The following TBC1D9 variants were observed in gnomAD, a reference collection of about 807,000 sequenced individuals.
The protein encoded by TBC1D9 is TBC1 domain family member 9.
In TBC1D9, 63 loss-of-function variants were observed where a neutral mutation model predicts 132.0. The ratio of observed to expected loss-of-function variants is 0.48; its 90% CI spans 0.39 to 0.59. The LOEUF is 0.59. Ranked by LOEUF, TBC1D9 falls within the 20% of genes least tolerant of loss-of-function variation. The probability of loss-of-function intolerance (pLI) is 0.00; values close to 1 mark genes in which losing one functional copy is unlikely to be tolerated. For synonymous variants in TBC1D9, 610 were observed against 609.9 expected (o/e 1.00, Z 0.00); for missense variants, 1,261 against 1,592.7 (o/e 0.79, Z 3.54).
At chr4:140,641,102 A>C (rs1736983886) in intron 13 of TBC1D9, among the ~76,000 whole-genome samples, 1 of 95,482 alleles carries the variant, frequency 1.0e-5, no homozygotes. Context: ...AAAAAAAAAA[A>C]AACAAAAAAA....
At chr4:140,666,743 A>G (rs530500670) in intron 9 of TBC1D9, among the ~76,000 whole-genome samples, 150 of 152,142 alleles carry the variant, frequency 9.9e-4, no homozygotes, top group African/African-American at 3.4e-3. Flanking sequence ...CTAAAAAAAA[A>G]AAACCACTGA....
chr4:140,704,207 G>A lies in TBC1D9; in HGVS notation c.131-2593C>T, dbSNP rs188286144. 2.5e-3 allele frequency among the ~76,000 whole-genome samples: 375 copies of A among 152,068 alleles called. 4 individuals are homozygous for A. The highest frequency in any genetic ancestry group is 0.021 in the Admixed American group (324 of 15,278). On this transcript the variant is annotated intron_variant, in intron 1 of 20. Coordinates refer to ENST00000442267, the MANE Select transcript of TBC1D9 (RefSeq NM_015130.3). ...GAGGCCAGGAGTTCAAGACCAGCCTGGCCAACATGGTGAACACCCTTCCCC... is the reference window on the plus strand; with the variant it reads ...GAGGCCAGGAGTTCAAGACCAGCCTAGCCAACATGGTGAACACCCTTCCCC...
intron 1 of TBC1D9, among the ~76,000 whole-genome samples, chr4:140,723,453 C>T (rs1738453482): frequency 6.6e-6 from 1 of 152,178 alleles, no homozygotes; most frequent in Non-Finnish European, 1.5e-5. Flanking sequence ...CCTGTCTCAG[C>T]CTCCCAAGTA....
rs149917547 is a variant in TBC1D9, at chr4:140,687,866, A to G, written c.242-1404T>C. Among the ~76,000 whole-genome samples the G allele has an allele frequency of 6.5e-4, 99 of 152,242 alleles. 1 individual carries two copies. Among genetic ancestry groups the G allele is most frequent in the African/African-American group, 2.1e-3 (89 of 41,558 alleles). On this transcript the variant is annotated intron_variant, in intron 2 of 20. Transcript: ENST00000442267. ...TTTGGGAGGCTAAGATGGGAGCATC[A>G]CTAGAGCCCAGGAGTTCAAGACCAG...
chr4:140,652,477 A>T (rs2110991577), intron 13 of TBC1D9, among the ~76,000 whole-genome samples: 1 of 151,870 alleles, frequency 6.6e-6, no homozygotes, highest in Non-Finnish European at 1.5e-5. Flanking sequence ...TGATTTCAAG[A>T]CTCCCTACTA....
chr4:140,690,968 T>C (rs1421918746), intron 2 of TBC1D9, among the ~76,000 whole-genome samples: 4 of 152,230 alleles, frequency 2.6e-5, no homozygotes, highest in Admixed American at 2.0e-4. Context: ...CAACAGATAC[T>C]TTCTGGGGAG....
chr4:140,643,860 G>C (rs368531733), intron 13 of TBC1D9: 1 of 725,246 alleles, frequency 1.4e-6, no homozygotes, highest in Non-Finnish European at 2.5e-6. Flanking sequence ...TGCAGGGCTC[G>C]GGGTAGCCAT....
chr4:140,733,549 G>A (rs1176413071), intron 1 of TBC1D9, among the ~76,000 whole-genome samples: 2 of 152,100 alleles, frequency 1.3e-5, no homozygotes, highest in Admixed American at 1.3e-4. Context: ...CTTATTATGT[G>A]TGTTTACATA....
At chr4:140,737,630 A>G (rs1410977615) in intron 1 of TBC1D9, among the ~76,000 whole-genome samples, 1 of 152,324 alleles carries the variant, frequency 6.6e-6, no homozygotes, top group South Asian at 2.1e-4. Flanking sequence ...ACAGTGATAC[A>G]TTCCTATTGT....
In TBC1D9 at chr4:140,622,672, C is replaced by G; in HGVS notation, c.3324G>C (p.Glu1108Asp). The change falls in exon 21 of 21, where the codon GAG (glutamate) becomes GAC (aspartate). Residue 1108 changes from glutamate to aspartate, a missense_variant. This residue lies in a region of TBC1D9 where 618 missense variants were observed against 724.4 expected (regional missense o/e 0.85). Coordinates refer to ENST00000442267, the MANE Select transcript of TBC1D9 (RefSeq NM_015130.3). ...KKGPGQPYVV[E>D]SVEPLPASLA... ...GGCTGGCCGGCAGGGGCTCAACAGA[C>G]TCCACCACGTAAGGCTGGCCTGGCC... The G allele has an allele frequency of 6.2e-7, 1 of 1,610,588 alleles. No homozygotes were observed. The highest frequency in any genetic ancestry group is 8.5e-7 in the Non-Finnish European group (1 of 1,178,352).
intron 13 of TBC1D9, among the ~76,000 whole-genome samples, chr4:140,656,880 C>T (rs1026845505): frequency 2.6e-5 from 4 of 152,168 alleles, no homozygotes; most frequent in East Asian, 1.9e-4. Flanking sequence ...TTCTCCCCTC[C>T]GGAGGACACT....
At chr4:140,739,029 T>A (rs1264428785) in intron 1 of TBC1D9, among the ~76,000 whole-genome samples, 5 of 152,234 alleles carry the variant, frequency 3.3e-5, no homozygotes, top group Non-Finnish European at 7.3e-5. Flanking sequence ...TTTTGCTTTT[T>A]GAGATGGAGT....
chr4:140,692,117 G>C lies in TBC1D9; in HGVS notation c.242-5655C>G, dbSNP rs185109599. 1.7e-3 allele frequency among the ~76,000 whole-genome samples: 257 copies of C among 152,248 alleles called. 1 individual carries two copies. In the Middle Eastern group the frequency reaches 0.017, roughly 10 times the overall value. On this transcript the variant is annotated intron_variant, in intron 2 of 20. Transcript: ENST00000442267. ...ACCTGTATTGCAGAATAACTAAAAT[G>C]GTGAATTCTCATTGATCATAAGTGT...
At chr4:140,664,130 TA>T (rs1334445220) in intron 9 of TBC1D9, among the ~76,000 whole-genome samples, 1 of 151,708 alleles carries the variant, frequency 6.6e-6, no homozygotes, top group Non-Finnish European at 1.5e-5. Context: ...AGCTCAATTA[TA>T]GTAATCATTT....
intron 13 of TBC1D9, among the ~76,000 whole-genome samples, chr4:140,649,634 A>C (rs1350702354): frequency 6.6e-6 from 1 of 152,206 alleles, no homozygotes; most frequent in Non-Finnish European, 1.5e-5. Flanking sequence ...GAGCAGCCCC[A>C]CACACTCCCC....
At chr4:140,665,646 A>T (rs1341304536) in intron 9 of TBC1D9, among the ~76,000 whole-genome samples, 2 of 152,234 alleles carry the variant, frequency 1.3e-5, no homozygotes, top group Non-Finnish European at 2.9e-5. Flanking sequence ...ATTTAAAAAA[A>T]TTTTAAACTT....
At chr4:140,648,671 C>A (rs1177114983) in intron 13 of TBC1D9, among the ~76,000 whole-genome samples, 1 of 152,114 alleles carries the variant, frequency 6.6e-6, no homozygotes, top group Non-Finnish European at 1.5e-5. Flanking sequence ...TAGATGTGAG[C>A]CATGGCACCT....
At chr4:140,643,407 C>A in intron 13 of TBC1D9, 2 of 315,008 alleles carry the variant, frequency 6.3e-6, no homozygotes, top group East Asian at 1.6e-4. Context: ...CACCTCCATG[C>A]CAGCCAGTGG....
chr4:140,641,849 T>C, intron 13 of TBC1D9: 1 of 325,528 alleles, frequency 3.1e-6, no homozygotes, highest in Non-Finnish European at 5.8e-6. Context: ...CGCACGGGCC[T>C]CCTCACCCCC....
Sources: gnomAD v4.1 joint callset for allele counts (sites outside exome capture counted in the v4.1 genomes callset) on GRCh38, gnomAD v4.1.1 for gene constraint, gnomAD v4.1.1 regional missense constraint, MANE v1.5 for transcripts, NCBI Gene and HGNC (gene_info 2026-07-23, HGNC 2026-07-21) for gene names.